The following MSANTD5 variants were observed in gnomAD, a reference collection of about 807,000 sequenced individuals.
The protein encoded by MSANTD5 is Myb/SANT DNA binding domain containing 5.
downstream of MSANTD5, among the ~76,000 whole-genome samples, chr5:178,693,655 G>A (rs1581732186): frequency 1.3e-5 from 2 of 152,070 alleles, no homozygotes; most frequent in South Asian, 4.1e-4. Flanking sequence ...TGCATCTGCT[G>A]GCGCTGGTGG....
intron 1 of MSANTD5, among the ~76,000 whole-genome samples, chr5:178,697,264 C>G (rs1050388542): frequency 6.6e-6 from 1 of 151,222 alleles, no homozygotes; most frequent in East Asian, 1.9e-4. Context: ...ACCATCCTGG[C>G]TAACACGGTG....
chr5:178,700,298 C>T (rs1202116581), upstream of MSANTD5, among the ~76,000 whole-genome samples: 1 of 152,300 alleles, frequency 6.6e-6, no homozygotes, highest in East Asian at 1.9e-4. Context: ...TGGATCTTGT[C>T]TACAGGTGAA....
At chr5:178,703,001 A>G in the MSANTD5 span, among the ~76,000 whole-genome samples, 4 of 152,202 alleles carry the variant, frequency 2.6e-5, no homozygotes, top group Non-Finnish European at 4.4e-5. Flanking sequence ...GGGCGATTCC[A>G]CTGTGCAGAC....
chr5:178,692,717 T>C (rs1206691310), downstream of MSANTD5, among the ~76,000 whole-genome samples: 1 of 152,068 alleles, frequency 6.6e-6, no homozygotes, highest in African/African-American at 2.4e-5. Context: ...TTATATAACA[T>C]TGTTGAAATA....
intron 1 of MSANTD5, among the ~76,000 whole-genome samples, chr5:178,697,375 A>T (rs1002709341): frequency 3.3e-5 from 5 of 152,014 alleles, no homozygotes; most frequent in Admixed American, 6.6e-5. Flanking sequence ...AATGGCCTGA[A>T]CCCGGGAGGC....
At chr5:178,694,315 CAAAAA>C (rs56778816), downstream of MSANTD5, among the ~76,000 whole-genome samples, 1 of 61,534 alleles carries the variant, frequency 1.6e-5, no homozygotes. Flanking sequence ...GACTCCATCT[CAAAAA>C]AAAAAAAAAA....
chr5:178,702,606 C>CA (rs1554092879), upstream of MSANTD5, among the ~76,000 whole-genome samples: 2 of 135,656 alleles, frequency 1.5e-5, no homozygotes, highest in Non-Finnish European at 3.3e-5. Flanking sequence ...GCCAATTTTT[C>CA]TTTTTTTTCA....
At chr5:178,698,235 A>C (rs1026472101), upstream of MSANTD5, among the ~76,000 whole-genome samples, 3 of 152,236 alleles carry the variant, frequency 2.0e-5, no homozygotes, top group African/African-American at 7.2e-5. Context: ...AGAGGCGAAC[A>C]GAGCTTTCGC....
At chr5:178,695,514 A>G (rs1378193387) in exon 3 of MSANTD5, 2 of 151,984 alleles carry the variant, frequency 1.3e-5, no homozygotes, top group Admixed American at 6.6e-5. Flanking sequence ...CTTCTTCTTC[A>G]CCCTGTACAC....
upstream of MSANTD5, among the ~76,000 whole-genome samples, chr5:178,702,067 C>T (rs1765491259): frequency 2.7e-5 from 4 of 149,112 alleles, no homozygotes; most frequent in South Asian, 8.4e-4. Flanking sequence ...TTGCAAAGAA[C>T]TTCCCTGGAT....
downstream of MSANTD5, among the ~76,000 whole-genome samples, chr5:178,693,946 T>G (rs1765383003): frequency 6.6e-6 from 1 of 152,008 alleles, no homozygotes; most frequent in South Asian, 2.1e-4. Context: ...CACCTGTGTT[T>G]TTATCCAAAA....
At chr5:178,701,604 G>A (rs62392825), upstream of MSANTD5, among the ~76,000 whole-genome samples, 32,387 of 149,892 alleles carry the variant, frequency 0.22, 4,116 homozygotes, top group South Asian at 0.36. Context: ...CCTGGGAGGC[G>A]GAGGTTGCAG....
At chr5:178,697,768 A>G (rs1176378051), upstream of MSANTD5, 1 of 152,240 alleles carries the variant, frequency 6.6e-6, no homozygotes, top group African/African-American at 2.4e-5. Context: ...CTCTGAAGCC[A>G]ATGCAGATCG....
chr5:178,700,197 C>G (rs116300818), upstream of MSANTD5, among the ~76,000 whole-genome samples: 690 of 152,272 alleles, frequency 4.5e-3, 7 homozygotes, highest in African/African-American at 0.016. Context: ...GCTGCCTCGC[C>G]ATGCTCTCCT....
chr5:178,702,838 C>T, the MSANTD5 span, among the ~76,000 whole-genome samples: 1 of 152,164 alleles, frequency 6.6e-6, no homozygotes, highest in African/African-American at 2.4e-5. Context: ...ACCTCGTGAT[C>T]TGTCCGCCTC....
chr5:178,700,273 C>T (rs569546691), upstream of MSANTD5, among the ~76,000 whole-genome samples: 12 of 152,258 alleles, frequency 7.9e-5, no homozygotes, highest in Admixed American at 3.3e-4. Flanking sequence ...CTGGCCTATG[C>T]GTTCAGTGAA....
At chr5:178,692,080 A>AG, downstream of MSANTD5, among the ~76,000 whole-genome samples, 1 of 132,322 alleles carries the variant, frequency 7.6e-6, no homozygotes, top group Admixed American at 7.6e-5. Context: ...TCTAAAAAAA[A>AG]AAAAAAAAAA....
chr5:178,697,294 A>AAC (rs1765426074), intron 1 of MSANTD5, among the ~76,000 whole-genome samples: 1 of 150,374 alleles, frequency 6.7e-6, no homozygotes, highest in Non-Finnish European at 1.5e-5. Context: ...CTCTACTAAA[A>AAC]ATACAAAAAA....
intron 2 of MSANTD5, among the ~76,000 whole-genome samples, chr5:178,695,807 G>A (rs1489223859): frequency 1.3e-5 from 2 of 152,304 alleles, no homozygotes; most frequent in East Asian, 3.9e-4. Flanking sequence ...ACATCTGAGA[G>A]CCTGGGTCTT....
Sources: gnomAD v4.1 joint callset for allele counts (sites outside exome capture counted in the v4.1 genomes callset) on GRCh38, gnomAD v4.1.1 for gene constraint, MANE v1.5 for transcripts, NCBI Gene and HGNC (gene_info 2026-07-23, HGNC 2026-07-21) for gene names.